Variants in MEGF8 observed in about 807,000 individuals in gnomAD.
The protein encoded by MEGF8 is multiple epidermal growth factor-like domains protein 8.
Under a neutral mutation model 302.9 loss-of-function variants are expected in MEGF8, and 156 were observed. The ratio of observed to expected loss-of-function variants is 0.52; its 90% CI spans 0.45 to 0.59. The LOEUF (loss-of-function observed/expected upper bound fraction) is 0.59. Among genes scored for constraint, MEGF8 ranks in the 20% least tolerant of loss-of-function variants. The pLI, the probability that MEGF8 is intolerant of heterozygous loss-of-function variation, is 0.00. For synonymous variants in MEGF8, 1,621 were observed against 1,660.5 expected (o/e 0.98, Z 0.58); for missense variants, 3,345 against 3,964.5 (o/e 0.84, Z 4.20).
At position 42,369,637 on chromosome 19, in the gene MEGF8, T is replaced by G. The variant is rs1331439867; in HGVS notation, c.6748T>G (p.Ser2250Ala). Residue 2250 changes from serine to alanine, a missense_variant, in exon 38 of 42, where the codon TCC (serine) becomes GCC (alanine). Coordinates refer to ENST00000251268, the MANE Select transcript of MEGF8 (RefSeq NM_001271938.2). This position sits in a 1 kb window ranked among gnomAD's most constrained non-coding sequence, Gnocchi z 5.7. Reference protein sequence around the residue: ...CHFGFVGRNCSTECRCNRHSE... With the variant: ...CHFGFVGRNCATECRCNRHSE... ...CTTTGGCTTTGTGGGCCGCAACTGC[T>G]CCACGGAATGCCGCTGCAACCGCCA... 6.2e-7 allele frequency: 1 copy of G among 1,612,810 alleles called. No homozygotes were observed. Among genetic ancestry groups the G allele is most frequent in the Admixed American group, 1.7e-5 (1 of 60,000 alleles).
At chr19:42,330,355 G>A (rs2039039769) in intron 1 of MEGF8, among the ~76,000 whole-genome samples, 1 of 152,232 alleles carries the variant, frequency 6.6e-6, no homozygotes, top group African/African-American at 2.4e-5. Flanking sequence ...ACTTAGGGAA[G>A]AACTTGGGGA....
chr19:42,334,286 G>A, intron 3 of MEGF8, 73 bp downstream of exon 3: 5 of 1,370,350 alleles, frequency 3.6e-6, no homozygotes, highest in Non-Finnish European at 3.9e-6. Context: ...CATCTCCTAG[G>A]TCTGACCTTG....
In MEGF8 at chr19:42,344,954, T is replaced by A; in HGVS notation, c.2097+121T>A. The A allele has an allele frequency of 9.2e-7, 1 of 1,085,074 alleles. No individual in the cohort carries two copies. The highest frequency in any genetic ancestry group is 1.2e-6 in the Non-Finnish European group (1 of 804,600). The allele number at this position is 1,085,074 out of a possible 1,614,324, so 67.2% of individuals were successfully genotyped here. ...CCAAAACTCTTTACATTCAAGGGTCTTATTTTCCTTATGGACTTTATTTTT... is the reference window on the plus strand; with the variant it reads ...CCAAAACTCTTTACATTCAAGGGTCATATTTTCCTTATGGACTTTATTTTT... On this transcript the variant is annotated intron_variant, in intron 12 of 41. Coordinates refer to ENST00000251268, the MANE Select transcript of MEGF8 (RefSeq NM_001271938.2). This position sits in a 1 kb window ranked among gnomAD's most constrained non-coding sequence, Gnocchi z 4.5.
In MEGF8 at chr19:42,371,407, A is replaced by G. The variant is rs751456440; in HGVS notation, c.7194A>G (p.Pro2398=). The change falls in exon 41 of 42, where the codon CCA becomes CCG. Residue 2398 remains proline, a synonymous_variant. Transcript: ENST00000251268. The stretch of plus-strand genomic sequence containing the variant: ...ACGAGCAGGATGGGACGGGCTGTCC[A>G]TGTCAGAATAACACAGAGACGGGCA... ...TCNEQDGTGC[P]CQNNTETGTC... 2 of 1,613,802 alleles carry G rather than the reference A, an allele frequency of 1.2e-6. No homozygotes were observed. Among genetic ancestry groups the G allele is most frequent in the Non-Finnish European group, 1.7e-6 (2 of 1,179,890 alleles).
Position 42,340,480 on chromosome 19 carries a change from C to T in MEGF8, c.1514-2997C>T, listed in dbSNP as rs570811788. Among the ~76,000 whole-genome samples, 24 of 152,174 alleles carry T rather than the reference C, an allele frequency of 1.6e-4. 1 individual carries two copies. Among genetic ancestry groups the T allele is most frequent in the South Asian group, 4.1e-4 (2 of 4,822 alleles). On this transcript the variant is annotated intron_variant, in intron 8 of 41. Coordinates refer to ENST00000251268, the MANE Select transcript of MEGF8 (RefSeq NM_001271938.2). ...CTGGCCTCAAGTGATCCATCTGCCTCGGCCTCCCAAAGTGCTGGGATTACA... is the reference window on the plus strand; with the variant it reads ...CTGGCCTCAAGTGATCCATCTGCCTTGGCCTCCCAAAGTGCTGGGATTACA...
Position 42,344,000 on chromosome 19 carries a change from C to T in MEGF8, c.1715C>T (p.Ser572Phe). ...ATGTACACAGACCACAGCGTCTGCT[C>T]CCGGGACCCGGAATGCAGTTGGTGC... ...CSMYTDHSVC[S>F]RDPECSWCQG... Residue 572 changes from serine (S) to phenylalanine (F), a missense_variant, in exon 10 of 42, where the codon TCC becomes TTC. By Grantham distance (155) the Ser-to-Phe change is radical. Coordinates refer to ENST00000251268, the MANE Select transcript of MEGF8 (RefSeq NM_001271938.2). 1 of 1,613,820 alleles carries T rather than the reference C, an allele frequency of 6.2e-7. No individual in the cohort carries two copies. Among genetic ancestry groups the T allele is most frequent in the Non-Finnish European group, 8.5e-7 (1 of 1,179,784 alleles).
rs1225831456 is a variant in MEGF8, at chr19:42,351,485, C to A, written c.2912C>A (p.Ser971Tyr). The change falls in exon 17 of 42, where the codon TCC (serine) becomes TAC (tyrosine). Residue 971 changes from serine (S) to tyrosine (Y), a missense_variant. Coordinates refer to ENST00000251268, the MANE Select transcript of MEGF8 (RefSeq NM_001271938.2). The surrounding 1 kb of genome is among the most constrained non-coding windows in gnomAD (Gnocchi z 5.6). ...ANSSQCAWCQSTHTCFLFAAY... is the reference protein window; with the variant it reads ...ANSSQCAWCQYTHTCFLFAAY... ...TCTAGCCAGTGCGCCTGGTGCCAGT[C>A]CACCCACACCTGCTTCCTGTTTGCT... 1.2e-6 allele frequency: 2 copies of A among 1,604,688 alleles called. No individual in the cohort carries two copies. The highest frequency in any genetic ancestry group is 1.7e-6 in the Non-Finnish European group (2 of 1,176,052).
chr19:42,349,962 A>G (rs192533120), intron 14 of MEGF8, among the ~76,000 whole-genome samples, 186 bp from the exon 15 acceptor site: 8 of 152,142 alleles, frequency 5.3e-5, no homozygotes, highest in African/African-American at 1.9e-4. Flanking sequence ...TCTGCCCTCC[A>G]TACTTTGACC....
chr19:42,328,591 G>GTGTGTGTGTGTGTGTGTGTGTGTGTGTGT (rs2039015802), intron 1 of MEGF8, among the ~76,000 whole-genome samples: 1 of 117,620 alleles, frequency 8.5e-6, no homozygotes, highest in South Asian at 3.0e-4. Context: ...TGTGTGTGTG[G>GTGTGTGTGTGTGTGTGTGTGTGTGTGTGT]CGAAGGGGTC....
intron 8 of MEGF8, among the ~76,000 whole-genome samples, chr19:42,340,722 C>G (rs368092733): frequency 2.0e-5 from 3 of 151,992 alleles, no homozygotes; most frequent in African/African-American, 7.3e-5. Flanking sequence ...GGCTGGAGTG[C>G]GGTAGCATAG....
Position 42,363,278 on chromosome 19 carries a change from A to G in MEGF8, c.6273+16A>G, listed in dbSNP as rs962945656. 6.4e-7 allele frequency: 1 copy of G among 1,572,020 alleles called. No homozygotes were observed. The highest frequency in any genetic ancestry group is 8.6e-7 in the Non-Finnish European group (1 of 1,158,540). On this transcript the variant is annotated intron_variant, in intron 35 of 41. Transcript: ENST00000251268. Reference sequence around the variant, plus strand: ...CCTGCAGCAGGTACTGCACCTGGCCAGGACCGTGCCAGGCAAGGGCCCGGG... The same window carrying G: ...CCTGCAGCAGGTACTGCACCTGGCCGGGACCGTGCCAGGCAAGGGCCCGGG...
chr19:42,358,804 T>G lies in MEGF8; in HGVS notation c.5193T>G (p.Asn1731Lys). 1 of 1,570,372 alleles carries G rather than the reference T, an allele frequency of 6.4e-7. No homozygotes were observed. The highest frequency in any genetic ancestry group is 8.6e-7 in the Non-Finnish European group (1 of 1,159,694). ...GTCACTAGCGAGATCGTATGAGGAA[T>G]GTGCGTGGCTCATCTCGGGGTCTGG... The part of the protein sequence containing the change: ...SQGAKRDRMR[N>K]VRGSSRGLGQ... Residue 1731 changes from asparagine to lysine, a missense_variant, in exon 30 of 42, where the codon AAT becomes AAG. Asn to Lys is a moderately conservative substitution (Grantham distance 94). Coordinates refer to ENST00000251268, the MANE Select transcript of MEGF8 (RefSeq NM_001271938.2). This position sits in a 1 kb window ranked among gnomAD's most constrained non-coding sequence, Gnocchi z 4.4.
chr19:42,376,754 C>A lies in MEGF8; in HGVS notation c.8517C>A (p.Asn2839Lys). The A allele has an allele frequency of 6.9e-7, 1 of 1,459,028 alleles. No homozygotes were observed. Among genetic ancestry groups the A allele is most frequent in the Non-Finnish European group, 9.0e-7 (1 of 1,106,876 alleles). 90.4% of individuals were successfully genotyped at this position (1,459,028 alleles called of 1,614,324 possible). ...GGAAGGGACTGTTGAGCCAGGACAA[C>A]CTCACCAGCATGTCCCTCTGACATG... ...AGRKGLLSQD[N>K]LTSMSL Residue 2839 changes from asparagine (N) to lysine (K), a missense_variant, in exon 42 of 42, where the codon AAC (asparagine) becomes AAA (lysine). Transcript: ENST00000251268. This position sits in a 1 kb window ranked among gnomAD's most constrained non-coding sequence, Gnocchi z 8.2.
Position 42,369,915 on chromosome 19 carries a change from C to T in MEGF8, c.6834+192C>T, listed in dbSNP as rs1171361772. Among the ~76,000 whole-genome samples, 1 of 152,170 alleles carries T rather than the reference C, an allele frequency of 6.6e-6. No individual in the cohort carries two copies. The highest frequency in any genetic ancestry group is 1.5e-5 in the Non-Finnish European group (1 of 68,028). ...TGGGTTTGGATCCCAGAGGGTCTGC[C>T]CTGGAATAGTGGACGGAGTGGGTGC... On this transcript the variant is annotated intron_variant, in intron 38 of 41. Coordinates refer to ENST00000251268, the MANE Select transcript of MEGF8 (RefSeq NM_001271938.2). The surrounding 1 kb of genome is among the most constrained non-coding windows in gnomAD (Gnocchi z 5.7).
chr19:42,349,544 C>A lies in MEGF8; in HGVS notation c.2344C>A (p.Arg782=). ...GGCTCATCAGGAGAAGGAGACGCGG[C>A]GGCTGCAGCGCCCTGGGTCTGCTCG... The part of the protein sequence containing the change: ...WVAHQEKETR[R]LQRPGSARLF... The change falls in exon 14 of 42, where the codon CGG becomes AGG. Residue 782 remains arginine, a synonymous_variant. Coordinates refer to ENST00000251268, the MANE Select transcript of MEGF8 (RefSeq NM_001271938.2). 2 of 1,611,910 alleles carry A rather than the reference C, an allele frequency of 1.2e-6. No homozygotes were observed. The highest frequency in any genetic ancestry group is 1.7e-6 in the Non-Finnish European group (2 of 1,179,772).
At chr19:42,333,845 G>A in intron 2 of MEGF8, 77 bp downstream of exon 2, 1 of 1,575,152 alleles carries the variant, frequency 6.3e-7, no homozygotes. Context: ...TCAGTAAGAG[G>A]GCATCCAAGA....
Position 42,343,644 on chromosome 19 carries a change from G to A in MEGF8, c.1668+13G>A. The A allele has an allele frequency of 6.3e-7, 1 of 1,592,656 alleles. No individual in the cohort carries two copies. Among genetic ancestry groups the A allele is most frequent in the Non-Finnish European group, 8.6e-7 (1 of 1,167,048 alleles). On this transcript the variant is annotated intron_variant, in intron 9 of 41. Coordinates refer to ENST00000251268, the MANE Select transcript of MEGF8 (RefSeq NM_001271938.2). ...ACCTGCCCCTGACGTGAGCACTGGG[G>A]TGACAGGGAAAGGGTGGCTGGGGGG...
At position 42,356,908 on chromosome 19, in the gene MEGF8, G is replaced by A; in HGVS notation, c.4757G>A (p.Gly1586Glu). The change falls in exon 27 of 42, where the codon GGA (glycine) becomes GAA (glutamate). Residue 1586 changes from glycine (G) to glutamate (E), a missense_variant. Physicochemically the swap from Gly to Glu is moderately conservative, Grantham distance 98 (BLOSUM62 -2). Transcript: ENST00000251268. The surrounding 1 kb of genome is among the most constrained non-coding windows in gnomAD (Gnocchi z 5.2). Reference sequence around the variant, plus strand: ...CGTGGTGCCATGTATCTGCTGGGGGGACTTACCGCTGGAGGCGTCACCCGT... The same window carrying A: ...CGTGGTGCCATGTATCTGCTGGGGGAACTTACCGCTGGAGGCGTCACCCGT... ...AGRGAMYLLG[G>E]LTAGGVTRDF... The A allele has an allele frequency of 6.2e-7, 1 of 1,610,186 alleles. No homozygotes were observed. The highest frequency in any genetic ancestry group is 8.5e-7 in the Non-Finnish European group (1 of 1,178,468).
rs768315344 is a variant in MEGF8, at chr19:42,344,667, C to T, written c.1934-3C>T. 4 of 1,569,628 alleles carry T rather than the reference C, an allele frequency of 2.5e-6. No individual in the cohort carries two copies. Among genetic ancestry groups the T allele is most frequent in the African/African-American group, 1.4e-5 (1 of 74,018 alleles). Reference sequence around the variant, plus strand: ...CACCGGCCCCCACCCCCTGTCTTCTCAGAGCAGGCCCGCTGCCGAGGGGAG... The same window carrying T: ...CACCGGCCCCCACCCCCTGTCTTCTTAGAGCAGGCCCGCTGCCGAGGGGAG... On this transcript the variant is annotated splice_region_variant and splice_polypyrimidine_tract_variant and intron_variant, in intron 11 of 41. Transcript: ENST00000251268. The surrounding 1 kb of genome is among the most constrained non-coding windows in gnomAD (Gnocchi z 4.5).
Sources: gnomAD v4.1 joint callset for allele counts (sites outside exome capture counted in the v4.1 genomes callset) on GRCh38, gnomAD v4.1.1 for gene constraint, Gnocchi (gnomAD v3.1) non-coding constraint, MANE v1.5 for transcripts, NCBI Gene and HGNC (gene_info 2026-07-23, HGNC 2026-07-21) for gene names.